Variants in SCIMP observed in about 807,000 individuals in gnomAD.
SCIMP encodes SLP adapter and CSK-interacting membrane protein.
A neutral mutation model predicts 22.0 loss-of-function variants in SCIMP; 18 were observed. The observed-to-expected ratio is 0.82, with a 90% CI of 0.56 to 1.21. The LOEUF (loss-of-function observed/expected upper bound fraction) is 1.21. Among genes scored for constraint, SCIMP ranks in the 50% most tolerant of loss-of-function variants. The pLI, the probability that SCIMP is intolerant of heterozygous loss-of-function variation, is 0.00. For missense variants in SCIMP, 155 were observed against 171.2 expected (o/e 0.91, Z 0.53); for synonymous variants, 53 against 62.2 (o/e 0.85, Z 0.70).
intron 1 of SCIMP, among the ~76,000 whole-genome samples, chr17:5,232,364 GTAAACAGTGCAGTA>G (rs768543079): frequency 0.27 from 1,893 of 7,128 alleles, 113 homozygotes; most frequent in East Asian, 0.51. Context: ...ACAGTGCAGT[GTAAACAGTGCAGTA>G]TAAACAGTGC....
At chr17:5,216,528 T>A (rs577438848) in intron 3 of SCIMP, among the ~76,000 whole-genome samples, 30 of 152,086 alleles carry the variant, frequency 2.0e-4, no homozygotes, top group African/African-American at 7.2e-4. Context: ...TAGCCAGGTG[T>A]GGTGGCGCAT....
Position 5,210,657 on chromosome 17 carries a change from GA to G in SCIMP, c.*143del, listed in dbSNP as rs2074519828. On this transcript the variant is annotated 3_prime_UTR_variant, in exon 5 of 5. Transcript: ENST00000574081. ...AGGGGTGTCTTCATCTAAGGTTTGG[GA>G]AGTGCTTTATCTTATAGAGCTTCAT... The G allele has an allele frequency of 9.2e-7, 1 of 1,092,000 alleles. No individual in the cohort carries two copies. Among genetic ancestry groups the G allele is most frequent in the Non-Finnish European group, 1.3e-6 (1 of 780,348 alleles). 67.6% of individuals were successfully genotyped at this position (1,092,000 alleles called of 1,614,324 possible).
chr17:5,210,983 G>A, intron 4 of SCIMP, 28 bp from the exon 5 acceptor site: 1 of 1,584,592 alleles, frequency 6.3e-7, no homozygotes. Context: ...CTCCTTAGAT[G>A]CAAAGCTGTC....
intron 4 of SCIMP, among the ~76,000 whole-genome samples, chr17:5,211,418 G>A (rs898751665): frequency 2.0e-5 from 3 of 151,986 alleles, no homozygotes; most frequent in African/African-American, 7.3e-5. Context: ...CAGCTAATTG[G>A]GAGGCTGAGG....
intron 1 of SCIMP, among the ~76,000 whole-genome samples, chr17:5,226,644 T>C (rs1167017443): frequency 6.6e-6 from 1 of 151,984 alleles, no homozygotes; most frequent in South Asian, 2.1e-4. Context: ...TAGCTGCGAT[T>C]ACAGGTGTGT....
chr17:5,217,585 C>T, intron 3 of SCIMP, among the ~76,000 whole-genome samples: 1 of 129,964 alleles, frequency 7.7e-6, no homozygotes, highest in Non-Finnish European at 1.6e-5. Flanking sequence ...ACAACAGTCC[C>T]CGGTGTGTGA....
At chr17:5,223,604 G>T in intron 1 of SCIMP, 148 bp from the exon 2 acceptor site, 1 of 710,646 alleles carries the variant, frequency 1.4e-6, no homozygotes, top group South Asian at 1.6e-5. Context: ...GTGCAATGAC[G>T]TGATCTCAGC....
At chr17:5,225,462 C>T (rs749072138) in intron 1 of SCIMP, among the ~76,000 whole-genome samples, 3 of 150,942 alleles carry the variant, frequency 2.0e-5, no homozygotes, top group Non-Finnish European at 4.4e-5. Flanking sequence ...AAGACTCCAT[C>T]TCAAAACAAA....
chr17:5,231,949 G>T (rs915871227), intron 1 of SCIMP, among the ~76,000 whole-genome samples: 8 of 152,154 alleles, frequency 5.3e-5, no homozygotes, highest in Admixed American at 2.0e-4. Context: ...CCAGCTACTC[G>T]GGAGGCTGAG....
chr17:5,231,533 A>G (rs1282966798), intron 1 of SCIMP, among the ~76,000 whole-genome samples: 3 of 152,086 alleles, frequency 2.0e-5, no homozygotes, highest in Admixed American at 2.0e-4. Context: ...TGCTAATGCC[A>G]CCATTTTGTG....
rs2074521237 is a variant in SCIMP, at chr17:5,210,868, T to C, written c.371A>G (p.Tyr124Cys). Residue 124 changes from tyrosine (Y) to cysteine (C), a missense_variant, in exon 5 of 5, where the codon TAC (tyrosine) becomes TGC (cysteine). Physicochemically the swap from Tyr to Cys is radical, Grantham distance 194. Transcript: ENST00000574081. Reference protein sequence around the residue: ...KNKKTVSIPSYIEPEDDYDDV... With the variant: ...KNKKTVSIPSCIEPEDDYDDV... ...GTCATAGTCATCTTCAGGCTCAATG[T>C]AGCTTGGGATGGAAACAGTCTTCTT... 3 of 1,614,134 alleles carry C rather than the reference T, an allele frequency of 1.9e-6. No homozygotes were observed. The highest frequency in any genetic ancestry group is 1.6e-4 in the Middle Eastern group (1 of 6,062).
chr17:5,232,189 G>A (rs1024122328), intron 1 of SCIMP, among the ~76,000 whole-genome samples: 1 of 152,248 alleles, frequency 6.6e-6, no homozygotes, highest in Non-Finnish European at 1.5e-5. Flanking sequence ...CATTTTCAGA[G>A]CAGCGCCGTG....
intron 4 of SCIMP, 87 bp downstream of exon 4, chr17:5,214,838 T>TAA (rs34085108): frequency 2.0e-3 from 885 of 452,556 alleles, no homozygotes; most frequent in South Asian, 4.8e-3. Flanking sequence ...AGACTCCATC[T>TAA]AAAAAAAAAA....
rs2074512341 is a variant in SCIMP at position 5,209,566 on chromosome 17, A to G, written c.*1235T>C. On this transcript the variant is annotated 3_prime_UTR_variant, in exon 5 of 5. Coordinates refer to ENST00000574081, the MANE Select transcript of SCIMP (RefSeq NM_207103.3). ...ATCTGAGTCACTCTCAGGCCTTTCC[A>G]GGTTCACAGTGCTCTCTCTGCAAGG... The G allele has an allele frequency of 6.6e-6, 1 of 152,208 alleles. No individual in the cohort carries two copies. Among genetic ancestry groups the G allele is most frequent in the South Asian group, 2.1e-4 (1 of 4,830 alleles). The allele number at this position is 152,208 out of a possible 1,614,324, so 9.4% of individuals were successfully genotyped here.
At chr17:5,223,527 TTA>T in intron 1 of SCIMP, 71 bp from the exon 2 acceptor site, 1 of 1,481,908 alleles carries the variant, frequency 6.7e-7, no homozygotes, top group Admixed American at 1.8e-5. Flanking sequence ...AGTGGGGCAG[TTA>T]TCTACTGTGG....
At chr17:5,225,816 G>A (rs571564726) in intron 1 of SCIMP, among the ~76,000 whole-genome samples, 9 of 151,646 alleles carry the variant, frequency 5.9e-5, no homozygotes, top group African/African-American at 2.2e-4. Context: ...ACCCCAACTT[G>A]AAGCTGGTTG....
At chr17:5,232,071 A>AC (rs987005584) in intron 1 of SCIMP, among the ~76,000 whole-genome samples, 2 of 152,054 alleles carry the variant, frequency 1.3e-5, no homozygotes, top group African/African-American at 4.8e-5. Context: ...CAAAAAAAAA[A>AC]AACTGGTCAC....
In SCIMP at chr17:5,214,981, G is replaced by A. The variant is rs377742709; in HGVS notation, c.227C>T (p.Ser76Leu). Residue 76 changes from serine (S) to leucine (L), a missense_variant, in exon 4 of 5, where the codon TCG (serine) becomes TTG (leucine). Ser to Leu is a moderately radical substitution (Grantham distance 145). Transcript: ENST00000574081. Reference sequence around the variant, plus strand: ...TGGCAGAGGCGGTAATTGAACTGGCGACTCATTAAGAACATTCCTAGAGAG... The same window carrying A: ...TGGCAGAGGCGGTAATTGAACTGGCAACTCATTAAGAACATTCCTAGAGAG... ...EKMYENVLNE[S>L]PVQLPPLPPR... 12 of 1,609,126 alleles carry A rather than the reference G, an allele frequency of 7.5e-6. No individual in the cohort carries two copies. Among genetic ancestry groups the A allele is most frequent in the Middle Eastern group, 1.7e-4 (1 of 6,052 alleles).
intron 1 of SCIMP, among the ~76,000 whole-genome samples, chr17:5,225,908 C>T (rs895765511): frequency 1.3e-5 from 2 of 152,084 alleles, no homozygotes; most frequent in African/African-American, 2.4e-5. Context: ...GCTGTGAGAT[C>T]TGATACTATC....
Sources: gnomAD v4.1 joint callset for allele counts (sites outside exome capture counted in the v4.1 genomes callset) on GRCh38, gnomAD v4.1.1 for gene constraint, MANE v1.5 for transcripts, NCBI Gene and HGNC (gene_info 2026-07-23, HGNC 2026-07-21) for gene names.